The following TTC27 variants were observed in gnomAD, a reference collection of about 807,000 sequenced individuals.
The protein encoded by TTC27 is tetratricopeptide repeat domain 27, also known as tetratricopeptide repeat protein 27.
In TTC27, 79 loss-of-function variants were observed where a neutral mutation model predicts 115.9. The observed-to-expected ratio is 0.68, with a 90% CI of 0.57 to 0.82. The LOEUF (loss-of-function observed/expected upper bound fraction) is 0.82. Among genes scored for constraint, TTC27 ranks in the 40% least tolerant of loss-of-function variants. The pLI, the probability that TTC27 is intolerant of heterozygous loss-of-function variation, is 0.00. For missense variants in TTC27, 1,054 were observed against 993.1 expected (o/e 1.06, Z -0.82); for synonymous variants, 401 against 356.0 (o/e 1.13, Z -1.42).
intron 6 of TTC27, among the ~76,000 whole-genome samples, chr2:32,665,514 T>C (rs912893655): frequency 1.3e-5 from 2 of 152,210 alleles, no homozygotes; most frequent in Admixed American, 6.5e-5. Context: ...TAAGTTAGAG[T>C]TGAAGAACTT....
At chr2:32,786,892 A>C in intron 15 of TTC27, 92 bp from the exon 16 acceptor site, 1 of 1,097,502 alleles carries the variant, frequency 9.1e-7, no homozygotes, top group African/African-American at 1.6e-5. Flanking sequence ...AAGGACGGAC[A>C]GTCCACATTA....
At chr2:32,764,487 TATC>T (rs1182901441) in intron 13 of TTC27, among the ~76,000 whole-genome samples, 1 of 152,254 alleles carries the variant, frequency 6.6e-6, no homozygotes, top group East Asian at 1.9e-4. Flanking sequence ...TTCAGTGAGT[TATC>T]ATCTTTTTGC....
intron 16 of TTC27, among the ~76,000 whole-genome samples, chr2:32,796,146 C>T (rs928301570): frequency 2.6e-5 from 4 of 152,104 alleles, no homozygotes; most frequent in African/African-American, 9.7e-5. Context: ...AAATCAGCTG[C>T]ATTTCTGTAC....
At chr2:32,639,225 A>T (rs1486003457) in intron 3 of TTC27, among the ~76,000 whole-genome samples, 1 of 152,252 alleles carries the variant, frequency 6.6e-6, no homozygotes, top group Non-Finnish European at 1.5e-5. Flanking sequence ...AATGAGAAGC[A>T]GAGAAAGGAC....
intron 8 of TTC27, among the ~76,000 whole-genome samples, chr2:32,676,349 A>AT (rs568703772): frequency 2.0e-5 from 3 of 151,500 alleles, no homozygotes; most frequent in Non-Finnish European, 2.9e-5. Context: ...CCCTTCATTG[A>AT]TTTTTTTTCT....
rs533493768 is a variant in TTC27 at position 32,815,223 on chromosome 2, A to ATTTTTTTTTTTTTTTTTTTTTTT, written c.2309-2225_2309-2203dup. On this transcript the variant is annotated intron_variant, in intron 18 of 19. Coordinates refer to ENST00000317907, the MANE Select transcript of TTC27 (RefSeq NM_017735.5). ...CATAGAGGAGGCACTGCTGCTTCAG[A>ATTTTTTTTTTTTTTTTTTTTTTT]TTTTTTTTTTTTTTTTTTTTTTTTT... is the stretch of plus-strand genomic sequence containing the variant. Among the ~76,000 whole-genome samples, 5 of 55,498 alleles carry ATTTTTTTTTTTTTTTTTTTTTTT rather than the reference A, an allele frequency of 9.0e-5. 2 individuals carry two copies. The highest frequency in any genetic ancestry group is 3.7e-4 in the African/African-American group (4 of 10,708). 36.4% of individuals were successfully genotyped at this position (55,498 alleles called of 152,430 possible). A position where few individuals can be genotyped will look rare whatever the true frequency, so the allele number is the denominator to read the frequency against.
At chr2:32,751,590 A>G (rs763040240) in intron 12 of TTC27, among the ~76,000 whole-genome samples, 43 of 152,290 alleles carry the variant, frequency 2.8e-4, no homozygotes, top group Non-Finnish European at 5.4e-4. Context: ...ACAGACTTTC[A>G]TTAACCCAAC....
At chr2:32,712,514 A>G (rs1281992228) in intron 10 of TTC27, among the ~76,000 whole-genome samples, 2 of 151,864 alleles carry the variant, frequency 1.3e-5, no homozygotes, top group African/African-American at 4.8e-5. Context: ...CTCTATCGTC[A>G]TTCTGCCTTT....
intron 1 of TTC27, among the ~76,000 whole-genome samples, chr2:32,629,991 C>G (rs538696707): frequency 6.6e-6 from 1 of 152,236 alleles, no homozygotes; most frequent in Non-Finnish European, 1.5e-5. Flanking sequence ...AGAAGTTAGA[C>G]TTGAGCTGAT....
chr2:32,658,454 A>G (rs985966107), intron 5 of TTC27, among the ~76,000 whole-genome samples: 1 of 152,216 alleles, frequency 6.6e-6, no homozygotes, highest in East Asian at 1.9e-4. Flanking sequence ...AGATAATGTC[A>G]GCCTCCAATA....
chr2:32,737,941 G>C (rs1668500372), intron 12 of TTC27, among the ~76,000 whole-genome samples: 1 of 152,092 alleles, frequency 6.6e-6, no homozygotes, highest in Admixed American at 6.6e-5. Flanking sequence ...ACTTGGGCCT[G>C]GGAGGTTAAG....
intron 12 of TTC27, among the ~76,000 whole-genome samples, chr2:32,744,275 G>A (rs1260444217): frequency 6.6e-6 from 1 of 152,110 alleles, no homozygotes; most frequent in Non-Finnish European, 1.5e-5. Flanking sequence ...GGACTCCTGT[G>A]ATTTTCCACA....
chr2:32,770,358 A>G (rs1328941961), intron 13 of TTC27, among the ~76,000 whole-genome samples: 4 of 152,160 alleles, frequency 2.6e-5, no homozygotes, highest in Admixed American at 6.5e-5. Context: ...TTTATGAGGG[A>G]TGGGGCTGGG....
At chr2:32,669,743 G>A (rs1430707114) in intron 7 of TTC27, among the ~76,000 whole-genome samples, 1 of 151,714 alleles carries the variant, frequency 6.6e-6, no homozygotes, top group Non-Finnish European at 1.5e-5. Flanking sequence ...AAGATTATCC[G>A]GGCGTGGTGG....
At chr2:32,655,809 T>G (rs949052022) in intron 5 of TTC27, among the ~76,000 whole-genome samples, 5 of 152,140 alleles carry the variant, frequency 3.3e-5, no homozygotes, top group African/African-American at 1.2e-4. Flanking sequence ...TCTTATATTC[T>G]GTCACTTTCA....
At chr2:32,739,755 T>C (rs912081655) in intron 12 of TTC27, among the ~76,000 whole-genome samples, 1 of 152,182 alleles carries the variant, frequency 6.6e-6, no homozygotes, top group Non-Finnish European at 1.5e-5. Context: ...CCCTAAAAAG[T>C]TTTGCTGCAA....
chr2:32,646,564 T>TG, intron 4 of TTC27, among the ~76,000 whole-genome samples: 1 of 147,892 alleles, frequency 6.8e-6, no homozygotes, highest in East Asian at 2.0e-4. Context: ...TTGGTTTTTT[T>TG]TTTTTTTTTT....
intron 10 of TTC27, among the ~76,000 whole-genome samples, chr2:32,716,722 T>C (rs1035298705): frequency 1.3e-5 from 2 of 152,068 alleles, no homozygotes; most frequent in Non-Finnish European, 2.9e-5. Flanking sequence ...GACAGGGTCT[T>C]GCTCTGTTTT....
chr2:32,742,596 C>A lies in TTC27; in HGVS notation c.1452+5780C>A, dbSNP rs182464650. Among the ~76,000 whole-genome samples the A allele has an allele frequency of 1.1e-4, 16 of 152,246 alleles. No homozygotes were observed. The East Asian group carries it at 3.1e-3, about 29-fold the overall frequency. On this transcript the variant is annotated intron_variant, in intron 12 of 19. Transcript: ENST00000317907. The stretch of plus-strand genomic sequence containing the variant: ...GGGGCAAAGTGTTTTGCACTTGTCA[C>A]CTCTCAGCTGCTGCTCATAGAATAA...
Sources: gnomAD v4.1 joint callset for allele counts (sites outside exome capture counted in the v4.1 genomes callset) on GRCh38, gnomAD v4.1.1 for gene constraint, MANE v1.5 for transcripts, NCBI Gene and HGNC (gene_info 2026-07-23, HGNC 2026-07-21) for gene names.